Variants in ANKRD54 observed in about 807,000 individuals in gnomAD.
ANKRD54 encodes ankyrin repeat domain-containing protein 54.
A neutral mutation model predicts 36.2 loss-of-function variants in ANKRD54; 26 were observed. That is an observed-to-expected ratio of 0.72 (90% CI 0.53 to 1.00). ANKRD54 has a LOEUF of 1.00. ANKRD54 is among the 50% of genes least tolerant of loss of function. The pLI, the probability that ANKRD54 is intolerant of heterozygous loss-of-function variation, is 0.00. For missense variants in ANKRD54, 384 were observed against 424.3 expected, an observed-to-expected ratio of 0.91 and a Z score of 0.83; for synonymous variants, 209 against 188.4, an observed-to-expected ratio of 1.11 and a Z score of -0.89.
chr22:37,842,729 A>G (rs1924433482), intron 1 of ANKRD54, among the ~76,000 whole-genome samples: 1 of 152,222 alleles, frequency 6.6e-6, no homozygotes, highest in Non-Finnish European at 1.5e-5. Flanking sequence ...ACGCTTCCAA[A>G]TTCTTATTTC....
intron 1 of ANKRD54, among the ~76,000 whole-genome samples, chr22:37,840,539 A>T (rs1431478489): frequency 6.6e-6 from 1 of 152,080 alleles, no homozygotes; most frequent in African/African-American, 2.4e-5. Flanking sequence ...AGCCTGGGTG[A>T]CAGAGTGAGA....
chr22:37,840,091 G>C (rs1038077616), intron 2 of ANKRD54, 96 bp downstream of exon 2: 2 of 1,427,416 alleles, frequency 1.4e-6, no homozygotes, highest in Non-Finnish European at 2.0e-6. Context: ...AAGGGCGTGA[G>C]TTTGCAGACT....
At position 37,832,741 on chromosome 22, in the gene ANKRD54, T is replaced by A; in HGVS notation, c.724A>T (p.Ile242Phe). ...TCCAGATACTCCCTCAGCATATGGA[T>A]GATCTGGAACAAGAGGGTGAGCTGA... is the stretch of plus-strand genomic sequence containing the variant. ...EAVRLEVKQI[I>F]HMLREYLERL... Residue 242 changes from isoleucine to phenylalanine, a missense_variant, in exon 7 of 8, where the codon ATC (isoleucine) becomes TTC (phenylalanine). By Grantham distance (21) the Ile-to-Phe change is conservative. Around this residue, in one of 3 missense-constraint regions of ANKRD54, gnomAD observed 179 missense variants for 224.0 expected, o/e 0.80. Transcript: ENST00000215941. 2 of 1,614,056 alleles carry A rather than the reference T, an allele frequency of 1.2e-6. No individual in the cohort carries two copies. Among genetic ancestry groups the A allele is most frequent in the Non-Finnish European group, 1.7e-6 (2 of 1,179,966 alleles).
At chr22:37,839,629 T>G (rs771357014) in intron 2 of ANKRD54, among the ~76,000 whole-genome samples, 1 of 151,918 alleles carries the variant, frequency 6.6e-6, no homozygotes, top group Non-Finnish European at 1.5e-5. Context: ...CCTCGTGATC[T>G]GCCCAGCTCG....
upstream of ANKRD54, chr22:37,848,556 C>T (rs1924970818): frequency 2.0e-5 from 3 of 152,020 alleles, no homozygotes; most frequent in African/African-American, 7.3e-5. Context: ...CTACCACTCC[C>T]GGCTAATTTT....
chr22:37,844,882 TC>T (rs1227071174), upstream of ANKRD54, among the ~76,000 whole-genome samples: 1 of 151,914 alleles, frequency 6.6e-6, no homozygotes, highest in Non-Finnish European at 1.5e-5. Flanking sequence ...TTTTTCTTTT[TC>T]CTCTCCATTT....
chr22:37,846,753 C>T (rs924532566), upstream of ANKRD54, among the ~76,000 whole-genome samples: 6 of 152,144 alleles, frequency 3.9e-5, no homozygotes, highest in African/African-American at 1.4e-4. Context: ...CTTCACAACT[C>T]CTTCTCAAAT....
chr22:37,831,930 G>T lies in ANKRD54; in HGVS notation c.*13C>A. The T allele has an allele frequency of 6.2e-7, 1 of 1,612,920 alleles. No homozygotes were observed. Among genetic ancestry groups the T allele is most frequent in the Non-Finnish European group, 8.5e-7 (1 of 1,179,642 alleles). The stretch of plus-strand genomic sequence containing the variant: ...GGGTGGGGCAGTGGCAGGAAGGCAG[G>T]GAGCCTCTCTTGCTACCTCTTCTCC... On this transcript the variant is annotated 3_prime_UTR_variant, in exon 8 of 8. Transcript: ENST00000215941.
chr22:37,844,061 C>T lies in ANKRD54; in HGVS notation c.178G>A (p.Gly60Arg). 1 of 1,435,328 alleles carries T rather than the reference C, an allele frequency of 7.0e-7. No homozygotes were observed. The highest frequency in any genetic ancestry group is 9.1e-7 in the Non-Finnish European group (1 of 1,102,330). The allele number at this position is 1,435,328 out of a possible 1,614,324, so 88.9% of individuals were successfully genotyped here. Residue 60 changes from glycine to arginine, a missense_variant, in exon 1 of 8, where the codon GGG (glycine) becomes AGG (arginine). Physicochemically the swap from Gly to Arg is moderately radical, Grantham distance 125. Around this residue, in one of 3 missense-constraint regions of ANKRD54, gnomAD observed 195 missense variants for 177.7 expected, o/e 1.10. Coordinates refer to ENST00000215941, the MANE Select transcript of ANKRD54 (RefSeq NM_138797.4). ...GAGLSGRASGGAQSPLRYLHV... is the reference protein window; with the variant it reads ...GAGLSGRASGRAQSPLRYLHV... The stretch of plus-strand genomic sequence containing the variant: ...AAGTAGCGCAGCGGCGACTGGGCCC[C>T]GCCGGACGCCCGGCCCGAGAGGCCC...
At chr22:37,847,209 C>T (rs1924887983), upstream of ANKRD54, among the ~76,000 whole-genome samples, 1 of 150,564 alleles carries the variant, frequency 6.6e-6, no homozygotes. Context: ...GTTGCCCAGG[C>T]TGGAGTGCAG....
chr22:37,837,178 T>C (rs1601725353), intron 3 of ANKRD54, among the ~76,000 whole-genome samples: 1 of 151,708 alleles, frequency 6.6e-6, no homozygotes. Flanking sequence ...TAGGGAAAGG[T>C]GGAACTCTTA....
Position 37,843,929 on chromosome 22 carries a change from T to C in ANKRD54, c.310A>G (p.Thr104Ala). 4 of 1,353,112 alleles carry C rather than the reference T, an allele frequency of 3.0e-6. No individual in the cohort carries two copies. The highest frequency in any genetic ancestry group is 2.7e-4 in the Middle Eastern group (1 of 3,664). The allele number at this position is 1,353,112 out of a possible 1,614,324, so 83.8% of individuals were successfully genotyped here. Residue 104 changes from threonine (T) to alanine (A), a missense_variant, in exon 1 of 8, where the codon ACG (threonine) becomes GCG (alanine). Thr to Ala is a moderately conservative substitution (Grantham distance 58). Transcript: ENST00000215941. ...CGCTCACCGTGCACCTCCTTGCCCG[T>C]GGGCCCGAGCCGCCGGTGGGGCCTG... ...AARPHRRLGP[T>A]GKEVHALKRL... is the part of the protein sequence containing the mutation.
At chr22:37,842,746 G>A (rs1283357028) in intron 1 of ANKRD54, among the ~76,000 whole-genome samples, 4 of 152,050 alleles carry the variant, frequency 2.6e-5, no homozygotes, top group African/African-American at 7.3e-5. Context: ...TTTCATCTTC[G>A]TGACATCACT....
chr22:37,838,623 G>A, intron 2 of ANKRD54, 25 bp from the exon 3 acceptor site: 1 of 1,596,518 alleles, frequency 6.3e-7, no homozygotes, highest in South Asian at 1.1e-5. Context: ...ACAGAGGGAG[G>A]AAGGGGGAGA....
At chr22:37,839,050 T>G (rs1301011776) in intron 2 of ANKRD54, among the ~76,000 whole-genome samples, 1 of 152,120 alleles carries the variant, frequency 6.6e-6, no homozygotes, top group Non-Finnish European at 1.5e-5. Flanking sequence ...AATTTTTGTA[T>G]TTTTAGTAGA....
Position 37,838,494 on chromosome 22 carries a change from A to C in ANKRD54, c.475+6T>G, listed in dbSNP as rs1261306115. 2.5e-6 allele frequency: 4 copies of C among 1,609,442 alleles called. No homozygotes were observed. Among genetic ancestry groups the C allele is most frequent in the Admixed American group, 1.7e-5 (1 of 59,566 alleles). On this transcript the variant is annotated splice_donor_region_variant and intron_variant, in intron 3 of 7. Coordinates refer to ENST00000215941, the MANE Select transcript of ANKRD54 (RefSeq NM_138797.4). ...CCCTACTCCCTCCTCCCTCCCCAGG[A>C]CTCACCAATCTGGTCATTGCCATTG...
chr22:37,831,999 G>C lies in ANKRD54; in HGVS notation c.847C>G (p.Leu283Val), dbSNP rs776362092. Residue 283 changes from leucine to valine, a missense_variant, in exon 8 of 8, where the codon CTC becomes GTC. Leu to Val is a conservative substitution (Grantham distance 32). Around this residue, in one of 3 missense-constraint regions of ANKRD54, gnomAD observed 179 missense variants for 224.0 expected, o/e 0.80. Transcript: ENST00000215941. ...CTGAGGGAGGTGAAGCTGGCCAGGA[G>C]GTCAGTCACTTCATCCACCTGCAGG... ...TKEQVDEVTD[L>V]LASFTSLSLQ... 1 of 1,613,406 alleles carries C rather than the reference G, an allele frequency of 6.2e-7. No homozygotes were observed. Among genetic ancestry groups the C allele is most frequent in the Non-Finnish European group, 8.5e-7 (1 of 1,179,790 alleles).
At position 37,831,770 on chromosome 22, in the gene ANKRD54, T is replaced by C; in HGVS notation, c.*173A>G. 1.7e-6 allele frequency: 1 copy of C among 600,802 alleles called. No homozygotes were observed. The highest frequency in any genetic ancestry group is 2.9e-6 in the Non-Finnish European group (1 of 342,992). The allele number at this position is 600,802 out of a possible 1,614,324, so 37.2% of individuals were successfully genotyped here. On this transcript the variant is annotated 3_prime_UTR_variant, in exon 8 of 8. Coordinates refer to ENST00000215941, the MANE Select transcript of ANKRD54 (RefSeq NM_138797.4). Reference sequence around the variant, plus strand: ...AGATGCTGGAAACTGTGGCTGGGAGTGGCTCTGAGGCCGTGGAGAGAGAGC... The same window carrying C: ...AGATGCTGGAAACTGTGGCTGGGAGCGGCTCTGAGGCCGTGGAGAGAGAGC...
chr22:37,840,916 A>C (rs1176453796), intron 1 of ANKRD54, among the ~76,000 whole-genome samples: 2 of 151,602 alleles, frequency 1.3e-5, no homozygotes, highest in Admixed American at 6.6e-5. Context: ...AAAAACCAAC[A>C]AAAAAAACCC....
Sources: gnomAD v4.1 joint callset for allele counts (sites outside exome capture counted in the v4.1 genomes callset) on GRCh38, gnomAD v4.1.1 for gene constraint, gnomAD v4.1.1 regional missense constraint, MANE v1.5 for transcripts, NCBI Gene and HGNC (gene_info 2026-07-23, HGNC 2026-07-21) for gene names.